The following WWTR1 variants were observed in gnomAD, a reference collection of about 807,000 sequenced individuals.
WWTR1 encodes WW domain containing transcription regulator 1.
A neutral mutation model predicts 40.1 loss-of-function variants in WWTR1; 13 were observed. That is an observed-to-expected ratio of 0.32 (90% CI 0.21 to 0.52). The LOEUF is 0.52. Among genes scored for constraint, WWTR1 ranks in the 20% least tolerant of loss-of-function variants. The pLI is 0.97. For missense variants in WWTR1, 436 were observed against 523.1 expected (o/e 0.83, Z 1.63); for synonymous variants, 230 against 210.1 (o/e 1.09, Z -0.82).
chr3:149,599,775 C>T (rs1053501379), intron 2 of WWTR1, among the ~76,000 whole-genome samples: 2 of 152,024 alleles, frequency 1.3e-5, no homozygotes, highest in Non-Finnish European at 2.9e-5. Flanking sequence ...TTAAGAGAAA[C>T]TACAATAATA....
chr3:149,598,736 T>C (rs1739113476), intron 2 of WWTR1, among the ~76,000 whole-genome samples: 1 of 152,216 alleles, frequency 6.6e-6, no homozygotes, highest in Admixed American at 6.5e-5. Flanking sequence ...AACAATTCCT[T>C]ACTGTTAGAT....
intron 2 of WWTR1, among the ~76,000 whole-genome samples, chr3:149,621,188 C>G (rs1381626904): frequency 1.3e-5 from 2 of 152,048 alleles, no homozygotes; most frequent in Non-Finnish European, 2.9e-5. Flanking sequence ...AAATATGAAC[C>G]CAACAGTTTT....
intron 3 of WWTR1, among the ~76,000 whole-genome samples, chr3:149,542,906 A>C (rs543495710): frequency 6.6e-6 from 1 of 151,208 alleles, no homozygotes; most frequent in East Asian, 1.9e-4. Context: ...GTGTGTGTGC[A>C]TGTGTATACT....
chr3:149,573,940 T>TGA (rs1428442025), intron 2 of WWTR1, among the ~76,000 whole-genome samples: 3 of 139,146 alleles, frequency 2.2e-5, no homozygotes, highest in African/African-American at 8.5e-5. Flanking sequence ...TGAAAGTTTG[T>TGA]GATATATATA....
chr3:149,537,571 G>A (rs371482117), intron 4 of WWTR1, among the ~76,000 whole-genome samples: 8 of 152,128 alleles, frequency 5.3e-5, no homozygotes, highest in Admixed American at 4.6e-4. Flanking sequence ...GTAGCAATTC[G>A]TTTTCTTTTA....
intron 1 of WWTR1, among the ~76,000 whole-genome samples, chr3:149,683,744 G>A (rs76283821): frequency 0.021 from 3,230 of 152,198 alleles, 66 homozygotes; most frequent in South Asian, 0.092. Context: ...CAAGAGCCAG[G>A]GGTCTGGCAA....
intron 2 of WWTR1, among the ~76,000 whole-genome samples, chr3:149,588,896 A>T (rs1023979339): frequency 6.6e-6 from 1 of 152,040 alleles, no homozygotes; most frequent in Non-Finnish European, 1.5e-5. Flanking sequence ...CCACCATAAT[A>T]CTCCCATGAG....
chr3:149,519,247 A>G lies in WWTR1; in HGVS notation c.*1558T>C, dbSNP rs556741006. On this transcript the variant is annotated 3_prime_UTR_variant, in exon 7 of 7. Coordinates refer to ENST00000360632, the MANE Select transcript of WWTR1 (RefSeq NM_015472.6). ...AATTAAAAATGGTTTTGGTTACATA[A>G]GAGGTATTGAATACATATTTCATGC... is the stretch of plus-strand genomic sequence containing the variant. 2 of 152,360 alleles carry G rather than the reference A, an allele frequency of 1.3e-5. No individual in the cohort carries two copies. The highest frequency in any genetic ancestry group is 3.9e-4 in the East Asian group (2 of 5,186). 9.4% of individuals were successfully genotyped at this position (152,360 alleles called of 1,614,324 possible). A position where few individuals can be genotyped will look rare whatever the true frequency, so the allele number is the denominator to read the frequency against.
chr3:149,708,920 A>T (rs1039000967), intron 5 of WWTR1, among the ~76,000 whole-genome samples: 62 of 152,180 alleles, frequency 4.1e-4, no homozygotes, highest in Non-Finnish European at 6.8e-4. Context: ...ACCATTTTAC[A>T]TTCTCACCAA....
intron 2 of WWTR1, among the ~76,000 whole-genome samples, chr3:149,614,304 T>C (rs1180080445): frequency 6.6e-6 from 1 of 152,198 alleles, no homozygotes; most frequent in Non-Finnish European, 1.5e-5. Context: ...CCTTTCTCTA[T>C]GTTTAGATAC....
intron 2 of WWTR1, among the ~76,000 whole-genome samples, chr3:149,590,276 C>CATTTATATA (rs1251340609): frequency 6.6e-6 from 1 of 152,008 alleles, no homozygotes; most frequent in Non-Finnish European, 1.5e-5. Flanking sequence ...TAATAGTTGA[C>CATTTATATA]ATTTATATAC....
chr3:149,560,763 C>T (rs769999784), intron 3 of WWTR1, among the ~76,000 whole-genome samples: 1 of 151,654 alleles, frequency 6.6e-6, no homozygotes, highest in African/African-American at 2.4e-5. Flanking sequence ...AGGAAAAGGA[C>T]GAAAATAATA....
At chr3:149,525,024 C>T (rs996382640) in intron 6 of WWTR1, among the ~76,000 whole-genome samples, 2 of 152,116 alleles carry the variant, frequency 1.3e-5, no homozygotes, top group African/African-American at 4.8e-5. Flanking sequence ...TCAGTTTCTG[C>T]AATTGGAAGT....
chr3:149,618,384 G>A (rs1275945309), intron 2 of WWTR1, among the ~76,000 whole-genome samples: 2 of 152,148 alleles, frequency 1.3e-5, no homozygotes, highest in Non-Finnish European at 2.9e-5. Flanking sequence ...CATCTCTCGA[G>A]CATCCATCTG....
intron 1 of WWTR1, among the ~76,000 whole-genome samples, chr3:149,696,454 C>T (rs1714995018): frequency 6.6e-6 from 1 of 152,158 alleles, no homozygotes; most frequent in Non-Finnish European, 1.5e-5. Context: ...CTAATAGTAT[C>T]CCCATTTTGA....
At chr3:149,643,861 C>T (rs1712332777) in intron 2 of WWTR1, among the ~76,000 whole-genome samples, 1 of 152,110 alleles carries the variant, frequency 6.6e-6, no homozygotes, top group African/African-American at 2.4e-5. Context: ...AGACTTTCTT[C>T]CCTGGCTTCC....
Position 149,552,355 on chromosome 3 carries a change from G to T in WWTR1, c.569-9818C>A, listed in dbSNP as rs1275755132. 8.6e-5 allele frequency among the ~76,000 whole-genome samples: 13 copies of T among 152,014 alleles called. 1 individual carries two copies. The highest frequency in any genetic ancestry group is 3.9e-4 in the East Asian group (2 of 5,180). On this transcript the variant is annotated intron_variant, in intron 3 of 6. Transcript: ENST00000360632. ...ACTAAATACATTCTCCCCAAAGTAA[G>T]GTTAAGGGAGGTTAGAAATTGGTAA... is the stretch of plus-strand genomic sequence containing the variant.
chr3:149,627,679 T>C (rs141241216), intron 2 of WWTR1, among the ~76,000 whole-genome samples: 361 of 152,234 alleles, frequency 2.4e-3, no homozygotes, highest in African/African-American at 8.4e-3. Context: ...TCCAAAACTC[T>C]CCAGGGTGGG....
intron 2 of WWTR1, among the ~76,000 whole-genome samples, chr3:149,640,130 T>C (rs1471219661): frequency 6.6e-6 from 1 of 152,204 alleles, no homozygotes; most frequent in East Asian, 1.9e-4. Context: ...ACAAGAATTG[T>C]GCCTACTTTT....
Sources: gnomAD v4.1 joint callset for allele counts (sites outside exome capture counted in the v4.1 genomes callset) on GRCh38, gnomAD v4.1.1 for gene constraint, MANE v1.5 for transcripts, NCBI Gene and HGNC (gene_info 2026-07-23, HGNC 2026-07-21) for gene names.